Variants in CLEC12A observed in about 807,000 individuals in gnomAD.
CLEC12A encodes the protein C-type lectin domain family 12 member A.
Under a neutral mutation model 26.5 loss-of-function variants are expected in CLEC12A, and 22 were observed. The observed-to-expected ratio is 0.83, with a 90% CI of 0.59 to 1.19. The LOEUF is 1.19. Among genes scored for constraint, CLEC12A ranks in the 50% most tolerant of loss-of-function variants. The pLI is 0.00. For synonymous variants in CLEC12A, 119 were observed against 101.9 expected, an observed-to-expected ratio of 1.17 and a Z score of -1.01; for missense variants, 353 against 315.6, an observed-to-expected ratio of 1.12 and a Z score of -0.90.
chr12:9,984,173 G>T (rs1433104750), intron 5 of CLEC12A: 2 of 155,606 alleles, frequency 1.3e-5, no homozygotes, highest in Non-Finnish European at 2.9e-5. Context: ...GTTTGTTTCT[G>T]AAAGGGGGTT....
chr12:9,989,329 G>A (rs1229056637), downstream of CLEC12A, among the ~76,000 whole-genome samples: 5 of 150,194 alleles, frequency 3.3e-5, no homozygotes, highest in Non-Finnish European at 5.9e-5. Context: ...TAACCTGCAC[G>A]TTGTGCACAT....
chr12:9,997,166 T>G (rs771971567), downstream of CLEC12A: 1 of 1,613,980 alleles, frequency 6.2e-7, no homozygotes. Flanking sequence ...TTACTGAAAG[T>G]GCCCTTTAGT....
At chr12:9,980,374 G>C (rs1864506130) in intron 3 of CLEC12A, among the ~76,000 whole-genome samples, 1 of 151,248 alleles carries the variant, frequency 6.6e-6, no homozygotes. Context: ...GGAGGTGGAG[G>C]CTGCTGTGAG....
At chr12:9,979,305 T>C in intron 2 of CLEC12A, 31 bp from the exon 3 acceptor site, 1 of 1,484,746 alleles carries the variant, frequency 6.7e-7, no homozygotes, top group Non-Finnish European at 9.2e-7. Flanking sequence ...ATTGAGAATT[T>C]ACAATTTTTT....
intron 1 of CLEC12A, among the ~76,000 whole-genome samples, chr12:9,966,094 A>C (rs1437470996): frequency 1.3e-5 from 2 of 152,128 alleles, no homozygotes; most frequent in Admixed American, 1.3e-4. Flanking sequence ...TGCTTAAAAG[A>C]GTATTGTCTA....
chr12:9,984,036 A>G, intron 5 of CLEC12A: 1 of 292,144 alleles, frequency 3.4e-6, no homozygotes, highest in Non-Finnish European at 6.7e-6. Context: ...TGGAATGGAA[A>G]ACATTGTAGA....
intron 1 of CLEC12A, among the ~76,000 whole-genome samples, chr12:9,973,297 TA>T (rs57490988): frequency 0.1 from 15,833 of 151,000 alleles, 972 homozygotes; most frequent in East Asian, 0.23. Context: ...GCCATGTCTA[TA>T]AAAAAAAAAT....
At chr12:9,966,654 TC>T (rs1471260786), upstream of CLEC12A, among the ~76,000 whole-genome samples, 1 of 151,900 alleles carries the variant, frequency 6.6e-6, no homozygotes, top group African/African-American at 2.4e-5. Context: ...GAATTGCAAC[TC>T]AGAAATATGT....
intron 1 of CLEC12A, among the ~76,000 whole-genome samples, chr12:9,965,448 T>A (rs536871021): frequency 6.6e-6 from 1 of 150,510 alleles, no homozygotes; most frequent in African/African-American, 2.5e-5. Flanking sequence ...CTTGCGGCAA[T>A]ACAGCCTAGG....
downstream of CLEC12A, chr12:9,985,701 G>GA (rs1043256256): frequency 3.2e-5 from 12 of 374,090 alleles, no homozygotes; most frequent in South Asian, 1.5e-4. Context: ...GCATTGTTCT[G>GA]AAAAAAAATA....
chr12:9,955,042 G>A (rs1863719796), intron 1 of CLEC12A, among the ~76,000 whole-genome samples: 1 of 152,164 alleles, frequency 6.6e-6, no homozygotes, highest in African/African-American at 2.4e-5. Flanking sequence ...AATAAAAATA[G>A]CTGAAACTTT....
chr12:9,953,615 G>A (rs1349695621), intron 1 of CLEC12A, among the ~76,000 whole-genome samples: 8 of 151,330 alleles, frequency 5.3e-5, no homozygotes, highest in East Asian at 3.9e-4. Context: ...CCGGCCAGCC[G>A]CCCCGTCCGG....
chr12:9,993,724 A>T (rs1277514503), intron 4 of CLEC12A, among the ~76,000 whole-genome samples: 2 of 152,146 alleles, frequency 1.3e-5, no homozygotes, highest in African/African-American at 4.8e-5. Context: ...GAGTTGATTC[A>T]GTAGTTTTGA....
chr12:10,000,545 T>C (rs1374161729), downstream of CLEC12A, among the ~76,000 whole-genome samples: 1 of 152,190 alleles, frequency 6.6e-6, no homozygotes, highest in Non-Finnish European at 1.5e-5. Context: ...AAGAAAAGAC[T>C]AAAAATTTTT....
At chr12:9,966,250 G>A (rs1265474534) in intron 1 of CLEC12A, among the ~76,000 whole-genome samples, 3 of 152,156 alleles carry the variant, frequency 2.0e-5, no homozygotes, top group Non-Finnish European at 4.4e-5. Context: ...AAGGGGACGG[G>A]CTTACCCTCC....
chr12:9,997,305 A>G (rs768480984), downstream of CLEC12A: 9 of 1,583,988 alleles, frequency 5.7e-6, no homozygotes, highest in Non-Finnish European at 6.9e-6. Context: ...AAATAATAAT[A>G]ATTTGTAATT....
At chr12:9,978,382 A>C (rs1359719133) in intron 1 of CLEC12A, among the ~76,000 whole-genome samples, 1 of 148,860 alleles carries the variant, frequency 6.7e-6, no homozygotes, top group African/African-American at 2.5e-5. Flanking sequence ...AATTTTTTTG[A>C]AAAATTGCAA....
chr12:9,980,294 TA>T (rs535785554), intron 3 of CLEC12A, among the ~76,000 whole-genome samples: 12 of 146,462 alleles, frequency 8.2e-5, no homozygotes, highest in African/African-American at 1.5e-4. Context: ...CCCTTCGATG[TA>T]AAAAAAAAAG....
chr12:9,974,678 G>C (rs1484357537), intron 1 of CLEC12A, among the ~76,000 whole-genome samples: 1 of 152,082 alleles, frequency 6.6e-6, no homozygotes, highest in Non-Finnish European at 1.5e-5. Context: ...ATTATTTAGT[G>C]TCTGATACTT....
Sources: gnomAD v4.1 joint callset for allele counts (sites outside exome capture counted in the v4.1 genomes callset) on GRCh38, gnomAD v4.1.1 for gene constraint, MANE v1.5 for transcripts, NCBI Gene and HGNC (gene_info 2026-07-23, HGNC 2026-07-21) for gene names.